The following NCALD variants were observed in gnomAD, a reference collection of about 807,000 sequenced individuals.
NCALD encodes the protein neurocalcin-delta.
In NCALD, 10 loss-of-function variants were observed where a neutral mutation model predicts 18.6. The observed-to-expected ratio is 0.54, with a 90% CI of 0.33 to 0.91. The LOEUF (loss-of-function observed/expected upper bound fraction) is 0.91. Among genes scored for constraint, NCALD ranks in the 40% least tolerant of loss-of-function variants. The pLI, the probability that NCALD is intolerant of heterozygous loss-of-function variation, is 0.03. For missense variants in NCALD, 184 were observed against 247.6 expected (o/e 0.74, Z 1.72); for synonymous variants, 88 against 87.4 (o/e 1.01, Z -0.04).
intron 1 of NCALD, among the ~76,000 whole-genome samples, chr8:102,070,697 T>C (rs961598983): frequency 1.3e-5 from 2 of 152,204 alleles, no homozygotes; most frequent in Admixed American, 1.3e-4. Flanking sequence ...AAATAACTAC[T>C]GCAACCAAAT....
chr8:102,033,371 C>T (rs538352057), intron 1 of NCALD, among the ~76,000 whole-genome samples: 1 of 152,086 alleles, frequency 6.6e-6, no homozygotes, highest in Non-Finnish European at 1.5e-5. Context: ...AATCAACAAC[C>T]CCTAGAGAGT....
chr8:101,856,273 G>A (rs978547907), intron 4 of NCALD, among the ~76,000 whole-genome samples: 4 of 152,156 alleles, frequency 2.6e-5, no homozygotes, highest in Non-Finnish European at 5.9e-5. Context: ...CCAGGCTCAC[G>A]TAAATTCTCC....
chr8:101,705,517 G>C lies in NCALD; in HGVS notation c.379-12621C>G, dbSNP rs148016155. Among the ~76,000 whole-genome samples the C allele has an allele frequency of 2.0e-4, 30 of 152,178 alleles. 1 individual carries two copies. The East Asian group carries it at 5.6e-3, about 28-fold the overall frequency. ...CCAGAACCTCGCCACTGCCTTTCTC[G>C]AGGTAAACTCTAGGTCCCCTCCCCT... On this transcript the variant is annotated intron_variant, in intron 2 of 3. Transcript: ENST00000220931.
intron 3 of NCALD, among the ~76,000 whole-genome samples, chr8:101,900,303 G>A (rs1282143649): frequency 6.6e-6 from 1 of 151,716 alleles, no homozygotes; most frequent in Non-Finnish European, 1.5e-5. Context: ...GAACTAGCCT[G>A]TTTATTTTCT....
chr8:101,890,595 C>A (rs1816836298), intron 3 of NCALD, among the ~76,000 whole-genome samples: 1 of 152,148 alleles, frequency 6.6e-6, no homozygotes, highest in African/African-American at 2.4e-5. Context: ...TGCCCTCTTG[C>A]CCCTCTGCCC....
intron 2 of NCALD, among the ~76,000 whole-genome samples, chr8:101,950,863 G>GT (rs1221299341): frequency 9.9e-5 from 15 of 152,200 alleles, no homozygotes; most frequent in Non-Finnish European, 2.1e-4. Flanking sequence ...TCTTGTAGCT[G>GT]TAACAGGCCA....
intron 1 of NCALD, among the ~76,000 whole-genome samples, chr8:102,049,155 G>A (rs1823344729): frequency 6.6e-6 from 1 of 152,180 alleles, no homozygotes; most frequent in Admixed American, 6.5e-5. Flanking sequence ...ACAGCCAGTA[G>A]CCATCTGTAT....
At chr8:101,904,833 A>G (rs1817556852) in intron 3 of NCALD, among the ~76,000 whole-genome samples, 2 of 152,036 alleles carry the variant, frequency 1.3e-5, no homozygotes, top group Non-Finnish European at 2.9e-5. Context: ...CCCTTCTGAA[A>G]CCCACTCTGC....
At chr8:101,956,618 A>G (rs1819633918) in intron 2 of NCALD, among the ~76,000 whole-genome samples, 1 of 152,050 alleles carries the variant, frequency 6.6e-6, no homozygotes, top group Non-Finnish European at 1.5e-5. Context: ...AGAGACAGAC[A>G]CAGAGAGAGA....
At chr8:101,880,296 G>A (rs746683103) in intron 4 of NCALD, among the ~76,000 whole-genome samples, 22 of 152,264 alleles carry the variant, frequency 1.4e-4, no homozygotes, top group Non-Finnish European at 2.4e-4. Flanking sequence ...CTCGGAGTGC[G>A]GGGCCCACTG....
chr8:101,707,835 T>C (rs967358820), intron 2 of NCALD, among the ~76,000 whole-genome samples: 2 of 151,962 alleles, frequency 1.3e-5, no homozygotes, highest in Non-Finnish European at 2.9e-5. Context: ...ACTACTGCAC[T>C]CCAGCCTGGA....
At chr8:102,034,015 T>TACACACACACACACACACACACACACAC (rs34381236) in intron 1 of NCALD, among the ~76,000 whole-genome samples, 3 of 147,892 alleles carry the variant, frequency 2.0e-5, no homozygotes, top group Admixed American at 6.8e-5. Context: ...TCCCTCTAAA[T>TACACACACACACACACACACACACACAC]ACACACACAC....
intron 2 of NCALD, among the ~76,000 whole-genome samples, chr8:101,920,771 G>A (rs574112801): frequency 2.0e-4 from 31 of 152,196 alleles, no homozygotes; most frequent in African/African-American, 7.2e-4. Flanking sequence ...ACTAACCATT[G>A]GGTACTATGT....
At chr8:102,124,594 ACTG>A (rs1236958029), upstream of NCALD, 4 of 147,208 alleles carry the variant, frequency 2.7e-5, no homozygotes, top group Non-Finnish European at 4.5e-5. Flanking sequence ...GCCAGCCTGC[ACTG>A]CTACTTTCCA....
intron 2 of NCALD, among the ~76,000 whole-genome samples, chr8:101,939,516 A>T (rs191479202): frequency 6.6e-6 from 1 of 152,088 alleles, no homozygotes; most frequent in African/African-American, 2.4e-5. Flanking sequence ...TGCAAATTGG[A>T]GTTTCTAAAA....
chr8:101,854,821 G>A (rs1815241484), intron 4 of NCALD, among the ~76,000 whole-genome samples: 1 of 152,162 alleles, frequency 6.6e-6, no homozygotes, highest in East Asian at 1.9e-4. Context: ...TGAATCACAT[G>A]TTTAGGAATT....
At chr8:101,787,409 T>C (rs1310119470) in intron 1 of NCALD, among the ~76,000 whole-genome samples, 1 of 152,162 alleles carries the variant, frequency 6.6e-6, no homozygotes, top group Non-Finnish European at 1.5e-5. Flanking sequence ...GGATTTGGAT[T>C]GAATTTAAAC....
intron 2 of NCALD, among the ~76,000 whole-genome samples, chr8:101,997,011 C>T (rs970527060): frequency 6.6e-6 from 1 of 152,186 alleles, no homozygotes; most frequent in Non-Finnish European, 1.5e-5. Flanking sequence ...TTGGTATCTA[C>T]TTAGAGTCAG....
chr8:102,088,812 A>C (rs1680055767), intron 1 of NCALD, among the ~76,000 whole-genome samples: 1 of 152,210 alleles, frequency 6.6e-6, no homozygotes, highest in African/African-American at 2.4e-5. Flanking sequence ...CTCAAAATCT[A>C]AGGCTTTGTT....
Sources: gnomAD v4.1 joint callset for allele counts (sites outside exome capture counted in the v4.1 genomes callset) on GRCh38, gnomAD v4.1.1 for gene constraint, MANE v1.5 for transcripts, NCBI Gene and HGNC (gene_info 2026-07-23, HGNC 2026-07-21) for gene names.